Variants in REPS1 observed in about 807,000 individuals in gnomAD.
REPS1 encodes RALBP1 associated Eps domain containing 1.
In REPS1, 39 loss-of-function variants were observed where a neutral mutation model predicts 100.9. The observed-to-expected ratio is 0.39, with a 90% CI of 0.30 to 0.50. The LOEUF is 0.50. REPS1 is among the 20% of genes least tolerant of loss of function. The pLI is 0.86. For synonymous variants in REPS1, 324 were observed against 340.3 expected (o/e 0.95, Z 0.53); for missense variants, 821 against 968.5 (o/e 0.85, Z 2.02).
chr6:138,915,136 A>T (rs147354453), intron 14 of REPS1: 8 of 197,184 alleles, frequency 4.1e-5, no homozygotes, highest in African/African-American at 1.9e-4. Flanking sequence ...CTAAACTCAC[A>T]GTGACTAAAA....
intron 1 of REPS1, among the ~76,000 whole-genome samples, chr6:138,977,596 TG>T (rs1784668355): frequency 1.3e-5 from 2 of 148,228 alleles, no homozygotes; most frequent in South Asian, 2.1e-4. Flanking sequence ...ATCACTAATT[TG>T]TTTCTTTTTT....
chr6:138,963,799 A>G (rs1783868361), intron 1 of REPS1, among the ~76,000 whole-genome samples: 1 of 152,136 alleles, frequency 6.6e-6, no homozygotes, highest in Admixed American at 6.5e-5. Flanking sequence ...GTACATACTA[A>G]TCTCTAATAT....
At chr6:138,952,940 C>T (rs1229045599) in intron 1 of REPS1, among the ~76,000 whole-genome samples, 4 of 151,672 alleles carry the variant, frequency 2.6e-5, no homozygotes, top group Middle Eastern at 3.4e-3. Flanking sequence ...TGCGTTCAAG[C>T]GATTCTCCTG....
In REPS1 at chr6:138,905,043, T is replaced by A; in HGVS notation, c.*21A>T. The A allele has an allele frequency of 6.2e-7, 1 of 1,613,008 alleles. No individual in the cohort carries two copies. The highest frequency in any genetic ancestry group is 8.5e-7 in the Non-Finnish European group (1 of 1,179,110). On this transcript the variant is annotated 3_prime_UTR_variant, in exon 20 of 20. Transcript: ENST00000450536. ...CAAAACCACTTAAAAACAAGTATGT[T>A]CACAGTTAACGGCAATTGGCTTATA...
At chr6:138,908,373 C>A (rs1423948705) in intron 18 of REPS1, among the ~76,000 whole-genome samples, 2 of 152,140 alleles carry the variant, frequency 1.3e-5, no homozygotes, top group Non-Finnish European at 2.9e-5. Context: ...CGGCTCACTG[C>A]AACCTCCGCC....
chr6:138,933,582 T>C (rs552250440), intron 8 of REPS1, among the ~76,000 whole-genome samples: 6 of 152,192 alleles, frequency 3.9e-5, no homozygotes, highest in Non-Finnish European at 8.8e-5. Flanking sequence ...CAAAACAACA[T>C]ATCCAACAGA....
intron 8 of REPS1, among the ~76,000 whole-genome samples, chr6:138,933,961 A>G (rs1781641418): frequency 6.6e-6 from 1 of 152,174 alleles, no homozygotes; most frequent in Non-Finnish European, 1.5e-5. Flanking sequence ...CCAACCAAAG[A>G]AAAAAAGATT....
At chr6:138,928,139 T>C (rs1429795267) in intron 9 of REPS1, 3 of 152,234 alleles carry the variant, frequency 2.0e-5, no homozygotes, top group African/African-American at 7.2e-5. Context: ...CTTGGGCAAG[T>C]TGTATAACTT....
chr6:138,928,495 C>T (rs907285366), intron 9 of REPS1: 30 of 148,810 alleles, frequency 2.0e-4, no homozygotes, highest in Admixed American at 3.3e-4. Context: ...TTTCACATAT[C>T]GAAAAAAAAT....
Position 138,912,918 on chromosome 6 carries a change from A to C in REPS1, c.1818T>G (p.Asp606Glu). The C allele has an allele frequency of 6.2e-7, 1 of 1,614,154 alleles. No individual in the cohort carries two copies. The highest frequency in any genetic ancestry group is 8.5e-7 in the Non-Finnish European group (1 of 1,180,008). ...TAGTGTGAGTTATGAGGCCATCGGC[A>C]TCCACTGGGCGATGCACAGCAGGAC... ...APGPAVHRPV[D>E]ADGLITHTST... The change falls in exon 16 of 20, where the codon GAT (aspartate) becomes GAG (glutamate). Residue 606 changes from aspartate (D) to glutamate (E), a missense_variant. By Grantham distance (45) the Asp-to-Glu change is conservative (BLOSUM62 2). Transcript: ENST00000450536.
chr6:138,944,656 G>GT, intron 4 of REPS1, 34 bp from the exon 5 acceptor site: 12 of 1,580,868 alleles, frequency 7.6e-6, no homozygotes, highest in Non-Finnish European at 1.0e-5. Context: ...GCTGACTCAT[G>GT]TTTGAGGAAA....
At chr6:138,944,953 C>T (rs1271294113) in intron 4 of REPS1, among the ~76,000 whole-genome samples, 1 of 152,156 alleles carries the variant, frequency 6.6e-6, no homozygotes, top group African/African-American at 2.4e-5. Flanking sequence ...TACAAATTTC[C>T]ATAGTTGGTT....
intron 1 of REPS1, among the ~76,000 whole-genome samples, chr6:138,949,525 A>G (rs915893420): frequency 1.3e-5 from 2 of 152,096 alleles, no homozygotes; most frequent in Non-Finnish European, 2.9e-5. Flanking sequence ...TCAAGAGTTC[A>G]AGACCAGTCT....
chr6:138,977,819 A>G (rs1784682791), intron 1 of REPS1, among the ~76,000 whole-genome samples: 1 of 152,228 alleles, frequency 6.6e-6, no homozygotes, highest in Non-Finnish European at 1.5e-5. Flanking sequence ...TTTAAGAAAA[A>G]GCCAAACTGT....
At chr6:138,931,975 ATTTATTTAAAGCAAGACTCTATTAC>A (rs1265724412) in intron 8 of REPS1, among the ~76,000 whole-genome samples, 1 of 152,212 alleles carries the variant, frequency 6.6e-6, no homozygotes, top group Non-Finnish European at 1.5e-5. Flanking sequence ...TTTCGAAAGA[ATTTATTTAAAGCAAGACTCTATTAC>A]TTTATTTTTA....
chr6:138,959,586 C>T (rs984690554), intron 1 of REPS1, among the ~76,000 whole-genome samples: 32 of 152,040 alleles, frequency 2.1e-4, no homozygotes, highest in African/African-American at 6.8e-4. Context: ...TTAAATGGAA[C>T]GGGGTCAGTG....
intron 8 of REPS1, among the ~76,000 whole-genome samples, chr6:138,933,933 C>T (rs758790385): frequency 3.9e-5 from 6 of 151,920 alleles, no homozygotes; most frequent in South Asian, 2.1e-4. Context: ...TAAACGACGA[C>T]GACAACAACA....
intron 1 of REPS1, among the ~76,000 whole-genome samples, chr6:138,957,837 T>C (rs1044102718): frequency 2.6e-5 from 4 of 152,250 alleles, no homozygotes; most frequent in Non-Finnish European, 5.9e-5. Flanking sequence ...AATATTTATA[T>C]AGTCATCACA....
intron 8 of REPS1, among the ~76,000 whole-genome samples, chr6:138,936,622 T>TGG (rs781284903): frequency 0.069 from 3,376 of 48,738 alleles, 142 homozygotes; most frequent in East Asian, 0.19. Context: ...AGAGTATGTT[T>TGG]GGGGGGGGGT....
Sources: allele counts gnomAD v4.1 joint callset (sites outside exome capture counted in the v4.1 genomes callset), GRCh38; gene constraint gnomAD v4.1.1; transcripts MANE v1.5; gene names NCBI Gene and HGNC (gene_info 2026-07-23, HGNC 2026-07-21).